CHCHD6: variants seen among roughly 807,000 people sequenced by gnomAD.
The protein encoded by CHCHD6 is coiled-coil-helix-coiled-coil-helix domain containing 6.
In CHCHD6, 28 loss-of-function variants were observed where a neutral mutation model predicts 32.3. The ratio of observed to expected loss-of-function variants is 0.87; its 90% CI spans 0.64 to 1.19. The LOEUF is 1.19. Ranked by LOEUF, CHCHD6 falls within the 50% of genes most tolerant of loss-of-function variation. The pLI, the probability that CHCHD6 is intolerant of heterozygous loss-of-function variation, is 0.00. For synonymous variants in CHCHD6, 122 were observed against 117.5 expected (o/e 1.04, Z -0.25); for missense variants, 333 against 307.0 (o/e 1.08, Z -0.63).
chr3:126,759,881 C>G (rs1937098131), intron 4 of CHCHD6, among the ~76,000 whole-genome samples: 1 of 152,156 alleles, frequency 6.6e-6, no homozygotes, highest in South Asian at 2.1e-4. Flanking sequence ...TTTCTGAAGG[C>G]TGTACAGGAA....
intron 6 of CHCHD6, among the ~76,000 whole-genome samples, chr3:126,937,165 C>G (rs1391470309): frequency 6.6e-6 from 1 of 152,172 alleles, no homozygotes; most frequent in Non-Finnish European, 1.5e-5. Context: ...GGTCAGAAGC[C>G]AGTTAGTAGT....
At chr3:126,815,292 A>G (rs1200001518) in intron 4 of CHCHD6, among the ~76,000 whole-genome samples, 1 of 152,132 alleles carries the variant, frequency 6.6e-6, no homozygotes, top group Non-Finnish European at 1.5e-5. Context: ...ACCCCAGTGG[A>G]TGTCTCTCTG....
chr3:126,955,894 G>A (rs2078777042), intron 6 of CHCHD6, among the ~76,000 whole-genome samples: 1 of 152,192 alleles, frequency 6.6e-6, no homozygotes, highest in African/African-American at 2.4e-5. Flanking sequence ...GGACTGCGCT[G>A]CATACAGTGG....
At chr3:126,927,740 G>C (rs1375195865) in intron 6 of CHCHD6, among the ~76,000 whole-genome samples, 1 of 152,042 alleles carries the variant, frequency 6.6e-6, no homozygotes, top group African/African-American at 2.4e-5. Flanking sequence ...GCTTCTGGAG[G>C]GATTAAATGT....
At chr3:126,944,988 G>A (rs1228838370) in intron 6 of CHCHD6, among the ~76,000 whole-genome samples, 1 of 152,220 alleles carries the variant, frequency 6.6e-6, no homozygotes, top group Admixed American at 6.5e-5. Context: ...CATTGTTTGT[G>A]AGTCTGGTCA....
intron 4 of CHCHD6, among the ~76,000 whole-genome samples, chr3:126,787,191 T>C (rs1335777614): frequency 6.6e-6 from 1 of 152,244 alleles, no homozygotes; most frequent in Non-Finnish European, 1.5e-5. Flanking sequence ...TGTATCTCTG[T>C]TTTGTTACCA....
chr3:126,737,386 G>A (rs1279480628), intron 4 of CHCHD6, among the ~76,000 whole-genome samples: 1 of 103,190 alleles, frequency 9.7e-6, no homozygotes, highest in Non-Finnish European at 1.9e-5. Flanking sequence ...TTTATGATGT[G>A]TGAGTATATA....
chr3:126,768,348 A>C (rs1269417338), intron 4 of CHCHD6, among the ~76,000 whole-genome samples: 2 of 152,148 alleles, frequency 1.3e-5, no homozygotes, highest in African/African-American at 4.8e-5. Flanking sequence ...AAACTTCCTG[A>C]GGTCTCTGCA....
chr3:126,875,103 G>A (rs2077522783), intron 5 of CHCHD6, among the ~76,000 whole-genome samples: 1 of 152,252 alleles, frequency 6.6e-6, no homozygotes, highest in South Asian at 2.1e-4. Flanking sequence ...GGAGCTCAGT[G>A]TTTCCTAGCC....
intron 5 of CHCHD6, among the ~76,000 whole-genome samples, chr3:126,854,644 T>G (rs1372644642): frequency 1.3e-5 from 2 of 152,204 alleles, no homozygotes; most frequent in Admixed American, 1.3e-4. Context: ...CATTTCCAGC[T>G]TCTGTACACA....
At chr3:126,948,212 G>A (rs2078667018) in intron 6 of CHCHD6, among the ~76,000 whole-genome samples, 1 of 152,244 alleles carries the variant, frequency 6.6e-6, no homozygotes, top group African/African-American at 2.4e-5. Flanking sequence ...AGCACCACAT[G>A]TCAGGCCTTT....
intron 6 of CHCHD6, among the ~76,000 whole-genome samples, chr3:126,932,966 G>A (rs1309531970): frequency 6.6e-6 from 1 of 152,174 alleles, no homozygotes; most frequent in Non-Finnish European, 1.5e-5. Flanking sequence ...CATGGTCCTT[G>A]TGGGGTGGGG....
At chr3:126,790,933 T>G (rs28883933) in intron 4 of CHCHD6, among the ~76,000 whole-genome samples, 54 of 152,190 alleles carry the variant, frequency 3.5e-4, no homozygotes, top group Non-Finnish European at 6.6e-4. Flanking sequence ...TCTCTTCTGT[T>G]TTTTCCCCAT....
chr3:126,758,507 GGGAAAATGGATGTTTT>G (rs1937049846), intron 4 of CHCHD6, among the ~76,000 whole-genome samples: 1 of 152,206 alleles, frequency 6.6e-6, no homozygotes, highest in Non-Finnish European at 1.5e-5. Flanking sequence ...AAGATGAGTT[GGGAAAATGGATGTTTT>G]GGTAAAAGTG....
At chr3:126,833,025 G>A (rs1454695121) in intron 4 of CHCHD6, among the ~76,000 whole-genome samples, 1 of 152,168 alleles carries the variant, frequency 6.6e-6, no homozygotes, top group Non-Finnish European at 1.5e-5. Flanking sequence ...GAAAGTTACG[G>A]GAAGGAATGA....
intron 1 of CHCHD6, among the ~76,000 whole-genome samples, chr3:126,720,365 C>T (rs1935224640): frequency 6.6e-6 from 1 of 152,218 alleles, no homozygotes; most frequent in South Asian, 2.1e-4. Context: ...TGACCTCCCT[C>T]AGGACACCCA....
intron 4 of CHCHD6, among the ~76,000 whole-genome samples, chr3:126,822,443 C>A (rs1940191406): frequency 6.6e-6 from 1 of 152,132 alleles, no homozygotes; most frequent in Admixed American, 6.5e-5. Context: ...TGTCCTTATG[C>A]CAGTACCACA....
intron 1 of CHCHD6, among the ~76,000 whole-genome samples, chr3:126,722,450 A>G (rs1323366001): frequency 2.0e-5 from 3 of 152,252 alleles, no homozygotes; most frequent in African/African-American, 7.2e-5. Flanking sequence ...GATGCGAGCC[A>G]CTATGGCTGA....
chr3:126,736,051 T>C (rs1336357634), intron 4 of CHCHD6, among the ~76,000 whole-genome samples: 3 of 152,200 alleles, frequency 2.0e-5, no homozygotes, highest in African/African-American at 7.2e-5. Context: ...TGGCCATTGC[T>C]TCTAAAGAAG....
Sources: gnomAD v4.1 joint callset for allele counts (sites outside exome capture counted in the v4.1 genomes callset) on GRCh38, gnomAD v4.1.1 for gene constraint, MANE v1.5 for transcripts, NCBI Gene and HGNC (gene_info 2026-07-23, HGNC 2026-07-21) for gene names.